ATE1: variants seen among roughly 807,000 people sequenced by gnomAD.
ATE1 encodes the protein arginyl-tRNA--protein transferase 1.
ATE1 carries 36 observed loss-of-function variants against 70.5 expected under a neutral mutation model. That is an observed-to-expected ratio of 0.51 (90% CI 0.39 to 0.67). The LOEUF (loss-of-function observed/expected upper bound fraction) is 0.67, where lower values mean the gene tolerates loss of function less well. ATE1 is among the 30% of genes least tolerant of loss of function. The probability of loss-of-function intolerance (pLI) is 0.00; values close to 1 mark genes in which losing one functional copy is unlikely to be tolerated. For missense variants in ATE1, 593 were observed against 629.5 expected, an observed-to-expected ratio of 0.94 and a Z score of 0.62; for synonymous variants, 232 against 219.3, an observed-to-expected ratio of 1.06 and a Z score of -0.51.
intron 10 of ATE1, among the ~76,000 whole-genome samples, chr10:121,824,023 C>G (rs1290562505): frequency 6.6e-6 from 1 of 152,178 alleles, no homozygotes; most frequent in African/African-American, 2.4e-5. Flanking sequence ...CAGTAAAGAA[C>G]TGCTTTGACT....
chr10:121,824,122 AG>A (rs1397954293), intron 10 of ATE1, among the ~76,000 whole-genome samples: 4 of 152,146 alleles, frequency 2.6e-5, no homozygotes, highest in Non-Finnish European at 4.4e-5. Context: ...CACTACCTCT[AG>A]GGGGCATCAA....
intron 8 of ATE1, among the ~76,000 whole-genome samples, chr10:121,846,897 C>A (rs561142595): frequency 6.6e-6 from 1 of 151,908 alleles, no homozygotes; most frequent in Non-Finnish European, 1.5e-5. Flanking sequence ...AAGAGTAAAG[C>A]AGGTGAGCAA....
intron 11 of ATE1, among the ~76,000 whole-genome samples, chr10:121,750,016 G>T (rs1049708284): frequency 6.6e-6 from 1 of 152,126 alleles, no homozygotes; most frequent in Non-Finnish European, 1.5e-5. Context: ...AAGAAAGGCA[G>T]ATTCTAATTC....
chr10:121,812,428 G>T (rs1281666228), intron 10 of ATE1, among the ~76,000 whole-genome samples: 1 of 152,068 alleles, frequency 6.6e-6, no homozygotes, highest in Non-Finnish European at 1.5e-5. Flanking sequence ...GGGGGGTGGG[G>T]AGAAGAAGGA....
At chr10:121,884,495 A>G (rs992143607) in intron 7 of ATE1, among the ~76,000 whole-genome samples, 3 of 152,138 alleles carry the variant, frequency 2.0e-5, no homozygotes, top group Non-Finnish European at 4.4e-5. Context: ...GGACCAAGGC[A>G]GGAGAGACTG....
chr10:121,864,660 T>TGTTTTTTGTTCACTTTTTCTC (rs1949598256), intron 8 of ATE1, among the ~76,000 whole-genome samples: 1 of 152,262 alleles, frequency 6.6e-6, no homozygotes, highest in Non-Finnish European at 1.5e-5. Flanking sequence ...TTGTCCCACA[T>TGTTTTTTGTTCACTTTTTCTC]GTTTTTTGTT....
At chr10:121,803,155 G>A (rs1271082322) in intron 10 of ATE1, among the ~76,000 whole-genome samples, 1 of 151,996 alleles carries the variant, frequency 6.6e-6, no homozygotes, top group Non-Finnish European at 1.5e-5. Context: ...TTCAAACTTG[G>A]AGTTTCCTAA....
chr10:121,748,790 GT>G (rs986115506), intron 11 of ATE1, among the ~76,000 whole-genome samples: 3 of 151,952 alleles, frequency 2.0e-5, no homozygotes, highest in Non-Finnish European at 4.4e-5. Context: ...TTATAAAAAA[GT>G]GATACTAATG....
At chr10:121,788,125 G>A (rs1874660) in intron 11 of ATE1, among the ~76,000 whole-genome samples, 93,391 of 152,050 alleles carry the variant, frequency 0.61, 28,693 homozygotes, top group South Asian at 0.66. Flanking sequence ...AAAGCTAGAG[G>A]GGAAATTTCT....
At chr10:121,899,112 G>A (rs1380783601) in intron 7 of ATE1, 28 of 824,502 alleles carry the variant, frequency 3.4e-5, no homozygotes, top group Non-Finnish European at 5.0e-5. Context: ...CTTAGACGAG[G>A]CAGACGGGTG....
chr10:121,865,086 C>G (rs979773540), intron 8 of ATE1, among the ~76,000 whole-genome samples: 10 of 152,184 alleles, frequency 6.6e-5, no homozygotes, highest in African/African-American at 2.2e-4. Flanking sequence ...TCCTTCCTAT[C>G]TTGTGATTAT....
At chr10:121,855,108 A>G (rs1180270022) in intron 8 of ATE1, among the ~76,000 whole-genome samples, 1 of 152,202 alleles carries the variant, frequency 6.6e-6, no homozygotes, top group East Asian at 1.9e-4. Flanking sequence ...GCATTCTTAT[A>G]AAAGCTTTTG....
At chr10:121,928,376 CAGTAGCCGCAGT>C, upstream of ATE1, 3 of 1,532,954 alleles carry the variant, frequency 2.0e-6, no homozygotes, top group South Asian at 3.6e-5. Flanking sequence ...CTTGGAATCG[CAGTAGCCGCAGT>C]GGTAGCCGGC....
intron 10 of ATE1, among the ~76,000 whole-genome samples, chr10:121,809,880 C>CA (rs369108086): frequency 1.1e-4 from 16 of 147,114 alleles, no homozygotes; most frequent in South Asian, 2.2e-4. Context: ...TGGAAAGCCA[C>CA]AAAAAACAAA....
At position 121,922,362 on chromosome 10, in the gene ATE1, G is replaced by A; in HGVS notation, c.220C>T (p.Gln74Ter). 6.3e-7 allele frequency: 1 copy of A among 1,595,874 alleles called. No homozygotes were observed. The highest frequency in any genetic ancestry group is 8.6e-7 in the Non-Finnish European group (1 of 1,165,574). Residue 74 changes from glutamine (Q) to a stop codon, truncating the protein, a stop_gained, in exon 3 of 12, where the codon CAG becomes TAG. Transcript: ENST00000224652. LOFTEE classifies it high-confidence loss of function. ...TAAAATTCTTACCTTATTGTGTACTGAGGACAACATGTTTGATTCATGACA... is the reference window on the plus strand; with the variant it reads ...TAAAATTCTTACCTTATTGTGTACTAAGGACAACATGTTTGATTCATGACA... The part of the protein sequence containing the change: ...KPVMNQTCCP[Q>*]YTIRCRPLQF...
At chr10:121,879,873 C>A (rs192916040) in intron 7 of ATE1, among the ~76,000 whole-genome samples, 1 of 152,262 alleles carries the variant, frequency 6.6e-6, no homozygotes, top group East Asian at 1.9e-4. Flanking sequence ...CCAGCACATA[C>A]CATTTGTGAG....
At position 121,743,588 on chromosome 10, in the gene ATE1, G is replaced by T; in HGVS notation, c.*92C>A. On this transcript the variant is annotated 3_prime_UTR_variant, in exon 12 of 12. Transcript: ENST00000224652. ...AAAATAAAAAATGTCTAATTTGTGG[G>T]TGGTGACAGTTATTTCCCCACAGGT... is the stretch of plus-strand genomic sequence containing the variant. The T allele has an allele frequency of 1.4e-6, 2 of 1,404,168 alleles. No individual in the cohort carries two copies. Among genetic ancestry groups the T allele is most frequent in the South Asian group, 1.8e-5 (1 of 55,952 alleles). 87.0% of individuals were successfully genotyped at this position (1,404,168 alleles called of 1,614,324 possible).
chr10:121,810,094 T>C (rs1202802499), intron 10 of ATE1, among the ~76,000 whole-genome samples: 1 of 152,188 alleles, frequency 6.6e-6, no homozygotes. Context: ...TACGAATGTA[T>C]GGCCCGTATT....
At chr10:121,812,009 T>G (rs1346983671) in intron 10 of ATE1, among the ~76,000 whole-genome samples, 1 of 143,752 alleles carries the variant, frequency 7.0e-6, no homozygotes, top group Non-Finnish European at 1.5e-5. Context: ...CCCAGACTGA[T>G]AGTGGGCACT....
Sources: gnomAD v4.1 joint callset for allele counts (sites outside exome capture counted in the v4.1 genomes callset) on GRCh38, gnomAD v4.1.1 for gene constraint, MANE v1.5 for transcripts, NCBI Gene and HGNC (gene_info 2026-07-23, HGNC 2026-07-21) for gene names.